The following PEX5L variants were observed in gnomAD, a reference collection of about 807,000 sequenced individuals.
PEX5L encodes the protein PEX5-related protein.
In PEX5L, 30 loss-of-function variants were observed where a neutral mutation model predicts 84.0. The ratio of observed to expected loss-of-function variants is 0.36; its 90% confidence interval spans 0.27 to 0.48. The LOEUF (loss-of-function observed/expected upper bound fraction) is 0.48, where lower values mean the gene tolerates loss of function less well. Ranked by LOEUF, PEX5L falls within the 20% of genes least tolerant of loss-of-function variation. The pLI is 0.99. For synonymous variants in PEX5L, 270 were observed against 283.1 expected (o/e 0.95, Z 0.46); for missense variants, 533 against 754.6 (o/e 0.71, Z 3.44).
At chr3:179,881,071 C>A (rs558523811) in intron 4 of PEX5L, 11 of 152,464 alleles carry the variant, frequency 7.2e-5, no homozygotes, top group African/African-American at 2.6e-4. Context: ...ACCCAGCTCA[C>A]GTAGGAAAGC....
At chr3:179,957,730 T>C (rs750294732) in intron 2 of PEX5L, among the ~76,000 whole-genome samples, 2 of 152,136 alleles carry the variant, frequency 1.3e-5, no homozygotes, top group Non-Finnish European at 2.9e-5. Context: ...GGTACAGAGG[T>C]AATTCTAATG....
At chr3:179,951,114 C>A (rs1313251552) in intron 2 of PEX5L, among the ~76,000 whole-genome samples, 4 of 152,190 alleles carry the variant, frequency 2.6e-5, no homozygotes, top group Non-Finnish European at 5.9e-5. Context: ...TGCTTCCTCT[C>A]CCTCCCACCT....
Position 179,801,359 on chromosome 3 carries a change from T to C in PEX5L, c.*469A>G, listed in dbSNP as rs1718806686. ...GTCTGTCTTTAGTCACAAGTTAATA[T>C]ATGTGCATGCACCAATGGCCCAAAC... On this transcript the variant is annotated 3_prime_UTR_variant, in exon 15 of 15. Transcript: ENST00000467460. 1.3e-5 allele frequency: 2 copies of C among 159,586 alleles called. No homozygotes were observed. The highest frequency in any genetic ancestry group is 1.2e-4 in the Admixed American group (2 of 17,006). The allele number at this position is 159,586 out of a possible 1,614,324, so 9.9% of individuals were successfully genotyped here. A position where few individuals can be genotyped will look rare whatever the true frequency, so the allele number is the denominator to read the frequency against.
At chr3:179,916,573 G>T (rs2109314863) in intron 2 of PEX5L, among the ~76,000 whole-genome samples, 1 of 152,134 alleles carries the variant, frequency 6.6e-6, no homozygotes, top group East Asian at 1.9e-4. Flanking sequence ...GTACCCTTAG[G>T]CTGCACTAAA....
intron 2 of PEX5L, among the ~76,000 whole-genome samples, chr3:179,916,046 C>G (rs1766944236): frequency 6.6e-6 from 1 of 152,160 alleles, no homozygotes; most frequent in East Asian, 1.9e-4. Context: ...CTAGTAATAG[C>G]AGCAGTAGTA....
At chr3:179,937,465 T>C (rs983155303) in intron 2 of PEX5L, among the ~76,000 whole-genome samples, 19 of 152,280 alleles carry the variant, frequency 1.2e-4, no homozygotes, top group African/African-American at 4.6e-4. Flanking sequence ...GCACTGGACA[T>C]TTTTGCCTGC....
intron 8 of PEX5L, among the ~76,000 whole-genome samples, chr3:179,829,035 C>CT (rs1560268529): frequency 1.3e-5 from 2 of 152,148 alleles, no homozygotes; most frequent in African/African-American, 4.8e-5. Context: ...ACATATTCAT[C>CT]TTCTCAGTAC....
chr3:179,850,292 A>G (rs923386026), intron 8 of PEX5L, among the ~76,000 whole-genome samples: 1 of 151,816 alleles, frequency 6.6e-6, no homozygotes, highest in Non-Finnish European at 1.5e-5. Context: ...ATGCCTGGCT[A>G]ATTTTTGTAC....
intron 2 of PEX5L, among the ~76,000 whole-genome samples, chr3:179,938,270 C>G (rs1330753453): frequency 6.6e-6 from 1 of 152,086 alleles, no homozygotes; most frequent in Non-Finnish European, 1.5e-5. Flanking sequence ...GGCTGATTAC[C>G]CTTTTTCCCA....
chr3:179,970,565 T>C (rs1165403580), intron 2 of PEX5L, among the ~76,000 whole-genome samples: 1 of 152,186 alleles, frequency 6.6e-6, no homozygotes, highest in African/African-American at 2.4e-5. Flanking sequence ...TTTTGGCAAG[T>C]TTTTCCAGAA....
At chr3:179,999,402 T>C (rs897534603) in intron 1 of PEX5L, among the ~76,000 whole-genome samples, 39 of 152,212 alleles carry the variant, frequency 2.6e-4, no homozygotes, top group African/African-American at 8.4e-4. Flanking sequence ...GTGGACATAA[T>C]GGCAGAGATG....
At chr3:179,838,811 C>A (rs957331323) in intron 8 of PEX5L, among the ~76,000 whole-genome samples, 2 of 152,018 alleles carry the variant, frequency 1.3e-5, no homozygotes, top group Non-Finnish European at 1.5e-5. Context: ...ATTTAGCCAT[C>A]TATTGATTGT....
At chr3:179,869,202 G>A (rs1246460460) in intron 7 of PEX5L, among the ~76,000 whole-genome samples, 1 of 152,120 alleles carries the variant, frequency 6.6e-6, no homozygotes, top group African/African-American at 2.4e-5. Context: ...CTGTCTTGGA[G>A]CTCCCCTTCC....
At chr3:179,847,443 T>G (rs975445657) in intron 8 of PEX5L, among the ~76,000 whole-genome samples, 10 of 152,012 alleles carry the variant, frequency 6.6e-5, no homozygotes, top group Non-Finnish European at 1.3e-4. Flanking sequence ...AAAGGATTAT[T>G]CTCTTAATCA....
chr3:179,843,346 G>A (rs1025747225), intron 8 of PEX5L, among the ~76,000 whole-genome samples: 1 of 152,186 alleles, frequency 6.6e-6, no homozygotes, highest in Non-Finnish European at 1.5e-5. Context: ...TGGGACACAG[G>A]CATCAAGATT....
At chr3:179,823,819 A>G (rs904403107) in intron 8 of PEX5L, among the ~76,000 whole-genome samples, 9 of 152,212 alleles carry the variant, frequency 5.9e-5, no homozygotes, top group African/African-American at 2.2e-4. Flanking sequence ...GGTTCATTAG[A>G]TAGCAGCTCA....
At chr3:180,000,744 A>G (rs905955552) in intron 1 of PEX5L, among the ~76,000 whole-genome samples, 1 of 152,214 alleles carries the variant, frequency 6.6e-6, no homozygotes, top group Non-Finnish European at 1.5e-5. Context: ...TTGATTTCAT[A>G]CCAGCATTTA....
intron 2 of PEX5L, among the ~76,000 whole-genome samples, chr3:179,951,249 T>G (rs184173189): frequency 1.3e-5 from 2 of 152,224 alleles, no homozygotes; most frequent in African/African-American, 4.8e-5. Flanking sequence ...TTTGTCAGTT[T>G]GAGTGTGATC....
chr3:180,005,007 A>G (rs1170024093), intron 1 of PEX5L, among the ~76,000 whole-genome samples: 1 of 152,214 alleles, frequency 6.6e-6, no homozygotes, highest in East Asian at 1.9e-4. Context: ...GAGGTTTTAA[A>G]TATATTTAAA....
Sources: allele counts gnomAD v4.1 joint callset (sites outside exome capture counted in the v4.1 genomes callset), GRCh38; gene constraint gnomAD v4.1.1; transcripts MANE v1.5; gene names NCBI Gene and HGNC (gene_info 2026-07-23, HGNC 2026-07-21).